Variants in GRIK2 observed in about 807,000 individuals in gnomAD.
The protein encoded by GRIK2 is glutamate receptor ionotropic, kainate 2.
Under a neutral mutation model 100.3 loss-of-function variants are expected in GRIK2, and 32 were observed. That is an observed-to-expected ratio of 0.32 (90% CI 0.24 to 0.43). GRIK2 has a LOEUF of 0.43. GRIK2 is among the 20% of genes least tolerant of loss of function. The probability of loss-of-function intolerance (pLI) is 1.00; values close to 1 mark genes in which losing one functional copy is unlikely to be tolerated. For synonymous variants in GRIK2, 417 were observed against 389.4 expected, an observed-to-expected ratio of 1.07 and a Z score of -0.83; for missense variants, 843 against 1,114.9, an observed-to-expected ratio of 0.76 and a Z score of 3.47.
At chr6:101,400,135 T>TG (rs11444531) in intron 2 of GRIK2, among the ~76,000 whole-genome samples, 43,498 of 152,048 alleles carry the variant, frequency 0.29, 6,591 homozygotes, top group African/African-American at 0.38. Context: ...GGATAGTATC[T>TG]GGGGCGGTGG....
At chr6:101,971,524 C>T (rs1336856649) in intron 14 of GRIK2, among the ~76,000 whole-genome samples, 2 of 151,984 alleles carry the variant, frequency 1.3e-5, no homozygotes, top group Non-Finnish European at 2.9e-5. Context: ...ATTTGTGTCA[C>T]ATCCTTCAAA....
intron 14 of GRIK2, among the ~76,000 whole-genome samples, chr6:102,033,173 T>A (rs569913801): frequency 6.6e-6 from 1 of 151,516 alleles, no homozygotes; most frequent in East Asian, 1.9e-4. Flanking sequence ...TGGAATAGCA[T>A]CTAGCACATG....
intron 2 of GRIK2, among the ~76,000 whole-genome samples, chr6:101,461,316 G>A (rs1291436432): frequency 6.6e-6 from 1 of 152,198 alleles, no homozygotes; most frequent in Non-Finnish European, 1.5e-5. Flanking sequence ...TCCTTTGAGA[G>A]ACTCTTGGGG....
chr6:101,408,958 A>C (rs1001319116), intron 2 of GRIK2, among the ~76,000 whole-genome samples: 7 of 152,164 alleles, frequency 4.6e-5, no homozygotes, highest in Non-Finnish European at 4.4e-5. Context: ...TAAGCAAGGA[A>C]AAGTTACCAA....
Position 101,553,238 on chromosome 6 carries a change from A to G in GRIK2, c.116-68711A>G, listed in dbSNP as rs982765445. ...AATTAATGTGCATAGTGATTGTCCT[A>G]TTTCATTAGAAAGCTATTAAATATT... On this transcript the variant is annotated intron_variant, in intron 2 of 16. Coordinates refer to ENST00000369134, the MANE Select transcript of GRIK2 (RefSeq NM_021956.5). 3.9e-5 allele frequency among the ~76,000 whole-genome samples: 6 copies of G among 152,356 alleles called. 1 individual carries two copies. The highest frequency in any genetic ancestry group is 6.8e-3 in the Middle Eastern group (2 of 294).
At chr6:101,866,304 T>A (rs1028230574) in intron 11 of GRIK2, among the ~76,000 whole-genome samples, 1 of 152,180 alleles carries the variant, frequency 6.6e-6, no homozygotes, top group Admixed American at 6.5e-5. Context: ...CTTCTACTGA[T>A]AAACATTCAA....
chr6:102,052,280 A>G (rs1024283689), intron 15 of GRIK2, among the ~76,000 whole-genome samples: 2 of 152,226 alleles, frequency 1.3e-5, no homozygotes, highest in African/African-American at 4.8e-5. Context: ...GGACAAGTAA[A>G]ACATGTCATT....
At chr6:101,800,953 C>T (rs1055411444) in intron 8 of GRIK2, among the ~76,000 whole-genome samples, 3 of 152,044 alleles carry the variant, frequency 2.0e-5, no homozygotes, top group African/African-American at 7.2e-5. Context: ...CACAGTGTCC[C>T]CCTTATGAGG....
At chr6:101,563,180 A>G (rs1468598256) in intron 2 of GRIK2, among the ~76,000 whole-genome samples, 2 of 152,196 alleles carry the variant, frequency 1.3e-5, no homozygotes, top group African/African-American at 2.4e-5. Context: ...TAGACAAGTG[A>G]AAACTGAGGC....
At chr6:101,435,943 T>C (rs528168609) in intron 2 of GRIK2, among the ~76,000 whole-genome samples, 2 of 152,152 alleles carry the variant, frequency 1.3e-5, no homozygotes, top group Non-Finnish European at 2.9e-5. Flanking sequence ...TGCAGTGGCC[T>C]CCTAATTTGT....
intron 3 of GRIK2, among the ~76,000 whole-genome samples, chr6:101,624,084 T>A (rs1780311894): frequency 6.6e-6 from 1 of 152,138 alleles, no homozygotes; most frequent in Admixed American, 6.6e-5. Context: ...TTTTTTCTGT[T>A]ATAGTTTTAA....
chr6:101,641,211 GTTTTAC>G (rs1037966784), intron 4 of GRIK2, among the ~76,000 whole-genome samples: 1 of 151,810 alleles, frequency 6.6e-6, no homozygotes, highest in African/African-American at 2.4e-5. Flanking sequence ...TTTAAAAATA[GTTTTAC>G]TTTTTAACTT....
intron 2 of GRIK2, among the ~76,000 whole-genome samples, chr6:101,531,555 C>G (rs1482758104): frequency 6.6e-6 from 1 of 151,802 alleles, no homozygotes. Flanking sequence ...AGATATCCAC[C>G]TATGTGGATA....
In GRIK2 at chr6:101,736,100, C is replaced by T. The variant is rs552973679; in HGVS notation, c.951+49747C>T. Among the ~76,000 whole-genome samples the T allele has an allele frequency of 3.9e-5, 6 of 152,318 alleles. No individual in the cohort carries two copies. In the South Asian group the frequency reaches 1.2e-3, roughly 32 times the overall value. The stretch of plus-strand genomic sequence containing the variant: ...TTTACTCCATGTCTCACATCCAGGT[C>T]ATGTTGATGTAAGATGTGGGTTCCC... On this transcript the variant is annotated intron_variant, in intron 7 of 16. Transcript: ENST00000369134.
chr6:101,842,509 T>C (rs1252911170), intron 10 of GRIK2, among the ~76,000 whole-genome samples: 1 of 152,186 alleles, frequency 6.6e-6, no homozygotes, highest in East Asian at 1.9e-4. Flanking sequence ...TATTTTTCTG[T>C]ACAAGTTCTC....
At chr6:101,771,895 G>T (rs1778432215) in intron 7 of GRIK2, among the ~76,000 whole-genome samples, 1 of 152,018 alleles carries the variant, frequency 6.6e-6, no homozygotes, top group African/African-American at 2.4e-5. Flanking sequence ...AGTATTCCAT[G>T]ATGTATATGT....
chr6:101,627,097 G>GATT (rs1184294506), intron 4 of GRIK2, among the ~76,000 whole-genome samples: 1 of 143,288 alleles, frequency 7.0e-6, no homozygotes. Flanking sequence ...TAATGTGTGT[G>GATT]TGTGTGCGTG....
intron 2 of GRIK2, among the ~76,000 whole-genome samples, chr6:101,565,927 ATATATGTG>A (rs1167017838): frequency 0.024 from 2,330 of 95,164 alleles, 43 homozygotes; most frequent in African/African-American, 0.038. Flanking sequence ...ATATATATAT[ATATATGTG>A]TATATATATA....
At chr6:101,982,597 AAAC>A (rs1294360231) in intron 14 of GRIK2, among the ~76,000 whole-genome samples, 1 of 151,738 alleles carries the variant, frequency 6.6e-6, no homozygotes, top group African/African-American at 2.4e-5. Flanking sequence ...TTGAATTTAA[AAAC>A]AACAACAACA....
Sources: allele counts gnomAD v4.1 joint callset (sites outside exome capture counted in the v4.1 genomes callset), GRCh38; gene constraint gnomAD v4.1.1; transcripts MANE v1.5; gene names NCBI Gene and HGNC (gene_info 2026-07-23, HGNC 2026-07-21).